The following DEPTOR variants were observed in gnomAD, a reference collection of about 807,000 sequenced individuals.
DEPTOR encodes DEP domain containing MTOR interacting protein.
A neutral mutation model predicts 41.6 loss-of-function variants in DEPTOR; 41 were observed. That is an observed-to-expected ratio of 0.98 (90% CI 0.77 to 1.28). DEPTOR has a LOEUF of 1.28. DEPTOR is among the 50% of genes most tolerant of loss of function. DEPTOR has a pLI of 0.00. For synonymous variants in DEPTOR, 195 were observed against 192.3 expected (o/e 1.01, Z -0.12); for missense variants, 514 against 527.9 (o/e 0.97, Z 0.26).
At chr8:119,883,991 A>G (rs1404264744) in intron 1 of DEPTOR, among the ~76,000 whole-genome samples, 1 of 152,216 alleles carries the variant, frequency 6.6e-6, no homozygotes, top group Non-Finnish European at 1.5e-5. Context: ...CCTTGACTTA[A>G]GGTATAAGAA....
At chr8:120,035,735 T>C (rs887940593) in intron 8 of DEPTOR, among the ~76,000 whole-genome samples, 3 of 152,204 alleles carry the variant, frequency 2.0e-5, no homozygotes, top group African/African-American at 7.2e-5. Flanking sequence ...TTTCGCCACG[T>C]TGGCCAGGCT....
intron 1 of DEPTOR, among the ~76,000 whole-genome samples, chr8:119,888,002 G>T (rs1031950308): frequency 6.6e-6 from 1 of 151,994 alleles, no homozygotes; most frequent in African/African-American, 2.4e-5. Flanking sequence ...TTAATTTTTA[G>T]TAGAGTCGAC....
intron 8 of DEPTOR, among the ~76,000 whole-genome samples, chr8:120,048,120 G>A (rs905260340): frequency 6.6e-6 from 1 of 152,134 alleles, no homozygotes; most frequent in Non-Finnish European, 1.5e-5. Flanking sequence ...AGGGTCAGCT[G>A]GAGAGGGCAC....
intron 1 of DEPTOR, among the ~76,000 whole-genome samples, chr8:119,888,118 G>A (rs537347793): frequency 6.6e-6 from 1 of 151,858 alleles, no homozygotes; most frequent in East Asian, 1.9e-4. Context: ...ACTGTACTGG[G>A]CCTCAGTTAT....
intron 4 of DEPTOR, among the ~76,000 whole-genome samples, chr8:119,994,451 C>G (rs1052537457): frequency 1.3e-5 from 2 of 152,158 alleles, no homozygotes; most frequent in African/African-American, 2.4e-5. Flanking sequence ...ACTTCCCAAA[C>G]CTTACTGTGT....
intron 4 of DEPTOR, among the ~76,000 whole-genome samples, chr8:119,992,847 G>C (rs1812193272): frequency 6.6e-6 from 1 of 151,940 alleles, no homozygotes; most frequent in African/African-American, 2.4e-5. Flanking sequence ...ACCTGAGACA[G>C]GGTTTCACCA....
At chr8:120,037,422 G>C (rs754709403) in intron 8 of DEPTOR, among the ~76,000 whole-genome samples, 12 of 152,174 alleles carry the variant, frequency 7.9e-5, no homozygotes, top group Non-Finnish European at 1.5e-4. Flanking sequence ...TTATTACAAA[G>C]TGAACTGCTA....
intron 1 of DEPTOR, among the ~76,000 whole-genome samples, chr8:119,908,386 CCAGGCCA>C (rs1827694699): frequency 1.3e-5 from 2 of 151,974 alleles, no homozygotes; most frequent in Admixed American, 1.3e-4. Flanking sequence ...GCCAGGAGTT[CCAGGCCA>C]GTTTGGGCAA....
At chr8:119,923,893 C>CTTTTTTTTT (rs769960283) in intron 1 of DEPTOR, among the ~76,000 whole-genome samples, 1 of 104,994 alleles carries the variant, frequency 9.5e-6, no homozygotes, top group African/African-American at 3.0e-5. Context: ...TTTTTTCTTT[C>CTTTTTTTTT]TTTTTTTTTT....
At chr8:119,956,017 A>G (rs1356296632) in intron 3 of DEPTOR, among the ~76,000 whole-genome samples, 4 of 152,134 alleles carry the variant, frequency 2.6e-5, no homozygotes, top group Non-Finnish European at 2.9e-5. Flanking sequence ...CGCAGAGCCA[A>G]CGATCCACTT....
At chr8:119,936,737 A>G (rs754921358) in intron 3 of DEPTOR, among the ~76,000 whole-genome samples, 2 of 152,198 alleles carry the variant, frequency 1.3e-5, no homozygotes, top group Non-Finnish European at 2.9e-5. Flanking sequence ...TTAATTTTAC[A>G]ATAAGGCCAA....
At chr8:119,924,407 G>T (rs1002372943) in intron 1 of DEPTOR, among the ~76,000 whole-genome samples, 2 of 151,780 alleles carry the variant, frequency 1.3e-5, no homozygotes, top group South Asian at 2.1e-4. Context: ...GTTATTTATG[G>T]TTTTTTTTCC....
intron 4 of DEPTOR, among the ~76,000 whole-genome samples, chr8:119,986,831 CT>C (rs1452297464): frequency 6.6e-6 from 1 of 151,638 alleles, no homozygotes; most frequent in African/African-American, 2.4e-5. Context: ...GCTATTGATA[CT>C]TGTGTATGCT....
intron 1 of DEPTOR, among the ~76,000 whole-genome samples, chr8:119,906,641 A>C (rs1827667669): frequency 1.3e-5 from 2 of 152,096 alleles, no homozygotes; most frequent in African/African-American, 4.8e-5. Context: ...ATTACTAGGC[A>C]CCCAATAAAT....
At chr8:119,907,686 A>G (rs13265513) in intron 1 of DEPTOR, among the ~76,000 whole-genome samples, 109,184 of 152,038 alleles carry the variant, frequency 0.72, 39,665 homozygotes, top group East Asian at 0.95. Context: ...CCAGTTATTT[A>G]GGAAGTTGAG....
chr8:119,883,181 G>A (rs1170459663), intron 1 of DEPTOR, among the ~76,000 whole-genome samples: 1 of 151,864 alleles, frequency 6.6e-6, no homozygotes, highest in African/African-American at 2.4e-5. Flanking sequence ...TGTGAGACAA[G>A]ATATGCTTTA....
At chr8:119,878,899 T>C (rs1677799281) in intron 1 of DEPTOR, among the ~76,000 whole-genome samples, 5 of 151,540 alleles carry the variant, frequency 3.3e-5, no homozygotes, top group Admixed American at 3.3e-4. Flanking sequence ...TCACCTGAGA[T>C]CGGGAGTTCA....
intron 1 of DEPTOR, among the ~76,000 whole-genome samples, chr8:119,883,556 A>G (rs929667257): frequency 1.3e-5 from 2 of 151,682 alleles, no homozygotes; most frequent in Admixed American, 6.6e-5. Flanking sequence ...GGTGTAGCAA[A>G]AGGGAACAAA....
At chr8:120,006,914 A>G (rs1046849214) in intron 7 of DEPTOR, 39 bp downstream of exon 7, 6 of 1,596,576 alleles carry the variant, frequency 3.8e-6, no homozygotes, top group Admixed American at 1.7e-5. Flanking sequence ...CGTGCTGCCC[A>G]TTTTTCTGCA....
Sources: allele counts gnomAD v4.1 joint callset (sites outside exome capture counted in the v4.1 genomes callset), GRCh38; gene constraint gnomAD v4.1.1; transcripts MANE v1.5; gene names NCBI Gene and HGNC (gene_info 2026-07-23, HGNC 2026-07-21).